The following MAPKAP1 variants were observed in gnomAD, a reference collection of about 807,000 sequenced individuals.
MAPKAP1 encodes the protein MAPK associated protein 1.
In MAPKAP1, 20 loss-of-function variants were observed where a neutral mutation model predicts 65.7. That is an observed-to-expected ratio of 0.30 (90% CI 0.21 to 0.44). The LOEUF (loss-of-function observed/expected upper bound fraction) is 0.44. MAPKAP1 is among the 20% of genes least tolerant of loss of function. The pLI, the probability that MAPKAP1 is intolerant of heterozygous loss-of-function variation, is 1.00. For synonymous variants in MAPKAP1, 222 were observed against 244.3 expected (o/e 0.91, Z 0.85); for missense variants, 423 against 648.0 (o/e 0.65, Z 3.77).
intron 10 of MAPKAP1, among the ~76,000 whole-genome samples, chr9:125,446,755 G>A (rs1233484705): frequency 6.6e-6 from 1 of 152,168 alleles, no homozygotes; most frequent in East Asian, 1.9e-4. Context: ...GGGGTTCACT[G>A]ACCACTTTGA....
At chr9:125,701,118 A>C (rs1192426775) in intron 1 of MAPKAP1, among the ~76,000 whole-genome samples, 1 of 152,240 alleles carries the variant, frequency 6.6e-6, no homozygotes, top group Non-Finnish European at 1.5e-5. Context: ...GACTTTAAGC[A>C]TATCAATTAG....
At position 125,439,821 on chromosome 9, in the gene MAPKAP1, C is replaced by T. The variant is rs1852416137; in HGVS notation, c.1444-809G>A. On this transcript the variant is annotated intron_variant, in intron 11 of 11. Transcript: ENST00000265960. This position sits in a 1 kb window ranked among gnomAD's most constrained non-coding sequence, Gnocchi z 4.0. ...GTCCTGGCCCTGGGGAGCTTGCTGC[C>T]TGGTGAGTGGGTGTCCAGCAGCAGA... Among the ~76,000 whole-genome samples the T allele has an allele frequency of 6.6e-6, 1 of 152,258 alleles. No individual in the cohort carries two copies. The highest frequency in any genetic ancestry group is 1.5e-5 in the Non-Finnish European group (1 of 68,044).
chr9:125,624,400 A>T (rs71481305), intron 4 of MAPKAP1, among the ~76,000 whole-genome samples: 1 of 51,420 alleles, frequency 1.9e-5, no homozygotes, highest in Non-Finnish European at 3.8e-5. Context: ...GTCGGCCCCC[A>T]TCCCGGCCAG....
At chr9:125,659,762 T>C (rs1363906503) in intron 3 of MAPKAP1, among the ~76,000 whole-genome samples, 4 of 151,792 alleles carry the variant, frequency 2.6e-5, no homozygotes, top group African/African-American at 9.7e-5. Context: ...CCCTCCCTTC[T>C]GGTTACTACC....
In MAPKAP1 at chr9:125,461,524, C is replaced by G. The variant is rs370373091; in HGVS notation, c.1345+6448G>C. Among the ~76,000 whole-genome samples, 13 of 152,210 alleles carry G rather than the reference C, an allele frequency of 8.5e-5. No homozygotes were observed. The East Asian group carries it at 1.5e-3, about 18-fold the overall frequency. ...GTTTTAATTGGATAGTGTAATTAAA[C>G]TAAAAAACCCCAGCAGACTTCCTTT... On this transcript the variant is annotated intron_variant, in intron 10 of 11. Coordinates refer to ENST00000265960, the MANE Select transcript of MAPKAP1 (RefSeq NM_001006617.3).
chr9:125,636,852 C>T (rs1166412294), intron 4 of MAPKAP1, among the ~76,000 whole-genome samples: 1 of 152,216 alleles, frequency 6.6e-6, no homozygotes, highest in Non-Finnish European at 1.5e-5. Context: ...TAGGACTCAA[C>T]CCTGTCTTAC....
intron 4 of MAPKAP1, among the ~76,000 whole-genome samples, chr9:125,624,618 G>C (rs1273066100): frequency 1.4e-5 from 1 of 72,842 alleles, no homozygotes; most frequent in African/African-American, 4.9e-5. Context: ...GGTGGGGGGG[G>C]GGGTCAGCCC....
chr9:125,662,769 TAATA>T (rs1434167258), intron 3 of MAPKAP1, among the ~76,000 whole-genome samples: 3 of 151,930 alleles, frequency 2.0e-5, no homozygotes, highest in Non-Finnish European at 4.4e-5. Context: ...CATTTCTTTA[TAATA>T]ATTAACATAA....
chr9:125,481,075 G>C (rs1188325049), intron 9 of MAPKAP1, among the ~76,000 whole-genome samples: 1 of 151,704 alleles, frequency 6.6e-6, no homozygotes, highest in African/African-American at 2.4e-5. Context: ...TTTCATACAT[G>C]GTGAAAACTA....
intron 1 of MAPKAP1, among the ~76,000 whole-genome samples, chr9:125,693,919 AG>A (rs1374697913): frequency 6.6e-6 from 1 of 151,890 alleles, no homozygotes; most frequent in Non-Finnish European, 1.5e-5. Flanking sequence ...CTGTAAACCC[AG>A]CACTTTGGGA....
chr9:125,659,490 G>T (rs1326643376), intron 3 of MAPKAP1, among the ~76,000 whole-genome samples: 1 of 151,930 alleles, frequency 6.6e-6, no homozygotes, highest in Non-Finnish European at 1.5e-5. Context: ...CAACCAAAGA[G>T]AACTTTTGCA....
At chr9:125,634,779 A>G (rs1261193152) in intron 4 of MAPKAP1, among the ~76,000 whole-genome samples, 1 of 152,222 alleles carries the variant, frequency 6.6e-6, no homozygotes, top group Non-Finnish European at 1.5e-5. Context: ...AAACAGTAGA[A>G]TAACAGTAGG....
intron 5 of MAPKAP1, among the ~76,000 whole-genome samples, chr9:125,563,270 C>G (rs994876699): frequency 6.6e-6 from 1 of 152,218 alleles, no homozygotes; most frequent in African/African-American, 2.4e-5. Flanking sequence ...ATACAGACAT[C>G]TCAGAGTTTA....
intron 4 of MAPKAP1, among the ~76,000 whole-genome samples, chr9:125,629,054 A>AACACACACACACACACACAC (rs71374284): frequency 1.4e-4 from 21 of 147,486 alleles, no homozygotes; most frequent in African/African-American, 4.5e-4. Context: ...TCACTGTCAA[A>AACACACACACACACACACAC]ACACACACAC....
intron 10 of MAPKAP1, among the ~76,000 whole-genome samples, chr9:125,467,227 T>C (rs1341495830): frequency 1.3e-5 from 2 of 152,222 alleles, no homozygotes; most frequent in African/African-American, 2.4e-5. Flanking sequence ...ATAGTTTAAA[T>C]TTTTTTCTTT....
chr9:125,546,977 T>A (rs1386184943), intron 6 of MAPKAP1, among the ~76,000 whole-genome samples: 3 of 152,086 alleles, frequency 2.0e-5, no homozygotes, highest in Non-Finnish European at 4.4e-5. Context: ...CCTTGGGCTG[T>A]CCATGCTGGG....
chr9:125,520,335 A>C (rs1187151852), intron 7 of MAPKAP1, among the ~76,000 whole-genome samples: 1 of 152,206 alleles, frequency 6.6e-6, no homozygotes, highest in Non-Finnish European at 1.5e-5. Flanking sequence ...ACTCGGAAAG[A>C]GAAGGGTCTC....
intron 9 of MAPKAP1, among the ~76,000 whole-genome samples, chr9:125,476,936 T>C (rs1236326000): frequency 6.6e-6 from 1 of 152,234 alleles, no homozygotes; most frequent in East Asian, 1.9e-4. Flanking sequence ...CATAATGCTC[T>C]GGGCAGCCGT....
At chr9:125,521,381 C>A (rs1343048118) in intron 7 of MAPKAP1, 16 of 756,766 alleles carry the variant, frequency 2.1e-5, no homozygotes, top group Non-Finnish European at 2.3e-5. Flanking sequence ...ATTTTTCAAT[C>A]CAATCTGTTT....
Sources: allele counts gnomAD v4.1 joint callset (sites outside exome capture counted in the v4.1 genomes callset), GRCh38; gene constraint gnomAD v4.1.1; non-coding constraint Gnocchi (gnomAD v3.1); transcripts MANE v1.5; gene names NCBI Gene and HGNC (gene_info 2026-07-23, HGNC 2026-07-21).